MGAM2: variants seen among roughly 807,000 people sequenced by gnomAD.
MGAM2 encodes probable maltase-glucoamylase 2.
MGAM2 carries 98 observed loss-of-function variants against 96.1 expected under a neutral mutation model. The ratio of observed to expected loss-of-function variants is 1.02; its 90% CI spans 0.87 to 1.21. The LOEUF is 1.21. Among genes scored for constraint, MGAM2 ranks in the 50% most tolerant of loss-of-function variants. The probability of loss-of-function intolerance (pLI) is 0.00; values close to 1 mark genes in which losing one functional copy is unlikely to be tolerated. For synonymous variants in MGAM2, 749 were observed against 414.8 expected (o/e 1.81, Z -9.79); for missense variants, 2,055 against 1,182.4 (o/e 1.74, Z -10.82).
chr7:142,211,384 C>G (rs1274054721), intron 46 of MGAM2, among the ~76,000 whole-genome samples: 1 of 152,144 alleles, frequency 6.6e-6, no homozygotes, highest in African/African-American at 2.4e-5. Context: ...TGGGTAATAA[C>G]AAGCTCCTCC....
At chr7:142,114,377 A>G (rs1461404624) in intron 1 of MGAM2, among the ~76,000 whole-genome samples, 2 of 152,226 alleles carry the variant, frequency 1.3e-5, no homozygotes, top group Admixed American at 6.5e-5. Flanking sequence ...TTCAGCCACT[A>G]TGTCACTAGT....
rs1796148270 is a variant in MGAM2, at chr7:142,170,226, T to A, written c.3179T>A (p.Val1060Glu). 1 of 702,062 alleles carries A rather than the reference T, an allele frequency of 1.4e-6. No individual in the cohort carries two copies. Among genetic ancestry groups the A allele is most frequent in the South Asian group, 1.5e-5 (1 of 67,396 alleles). 43.5% of individuals were successfully genotyped at this position (702,062 alleles called of 1,614,324 possible). ...IQIQRKNSST[V>E]IWDSQLPGFI... ...ATTCAACGCAAAAACTCCAGCACTG[T>A]GATGTAAGCACTATTTATTTGATTC... Residue 1060 changes from valine to glutamate, a missense_variant, in exon 27 of 48, where the codon GTG (valine) becomes GAG (glutamate). Val to Glu is a moderately radical substitution (Grantham distance 121, BLOSUM62 -2). Transcript: ENST00000477922.
intron 47 of MGAM2, among the ~76,000 whole-genome samples, chr7:142,219,527 G>A (rs1401974329): frequency 1.3e-5 from 2 of 152,162 alleles, no homozygotes; most frequent in Non-Finnish European, 1.5e-5. Context: ...AGGAAAACAT[G>A]AAACTAACCT....
At chr7:142,185,602 C>T (rs184031874) in intron 34 of MGAM2, among the ~76,000 whole-genome samples, 13 of 151,120 alleles carry the variant, frequency 8.6e-5, no homozygotes, top group African/African-American at 9.7e-5. Context: ...GACAGTCCTC[C>T]TTCATCTCAT....
chr7:142,132,549 T>G (rs1794922817), intron 6 of MGAM2, among the ~76,000 whole-genome samples: 1 of 133,444 alleles, frequency 7.5e-6, no homozygotes, highest in South Asian at 2.2e-4. Context: ...ATATATAATT[T>G]AATTATACAT....
At position 142,136,327 on chromosome 7, in the gene MGAM2, G is replaced by C. The variant is rs575085565; in HGVS notation, c.748-214G>C. ...TTGCAGTGTGTATGATTATTTTACTGTTGTTGAATGGAATTCTTTTGTATA... is the reference window on the plus strand; with the variant it reads ...TTGCAGTGTGTATGATTATTTTACTCTTGTTGAATGGAATTCTTTTGTATA... On this transcript the variant is annotated intron_variant, in intron 7 of 47. Coordinates refer to ENST00000477922, the MANE Select transcript of MGAM2 (RefSeq NM_001293626.2). Among the ~76,000 whole-genome samples the C allele has an allele frequency of 2.2e-4, 34 of 152,154 alleles. 1 individual carries two copies. The highest frequency in any genetic ancestry group is 7.2e-4 in the African/African-American group (30 of 41,518).
At chr7:142,146,315 T>A (rs73158440) in intron 14 of MGAM2, among the ~76,000 whole-genome samples, 42,799 of 151,800 alleles carry the variant, frequency 0.28, 6,516 homozygotes, top group Admixed American at 0.35. Context: ...CTTTCCAGGA[T>A]TGCATAGTGC....
At chr7:142,195,846 A>G (rs566250147) in intron 37 of MGAM2, among the ~76,000 whole-genome samples, 1 of 152,294 alleles carries the variant, frequency 6.6e-6, no homozygotes, top group South Asian at 2.1e-4. Flanking sequence ...ATAATACTGG[A>G]ATAGAGGAAT....
intron 26 of MGAM2, among the ~76,000 whole-genome samples, chr7:142,169,487 T>A (rs1260416046): frequency 6.6e-6 from 1 of 152,032 alleles, no homozygotes; most frequent in Non-Finnish European, 1.5e-5. Flanking sequence ...ACTAATAATA[T>A]GACAAAGAGG....
chr7:142,137,311 G>A, intron 8 of MGAM2, 122 bp from the exon 9 acceptor site: 1 of 474,690 alleles, frequency 2.1e-6, no homozygotes, highest in Non-Finnish European at 3.8e-6. Flanking sequence ...AAAAGACAGT[G>A]TGATTTTCAT....
chr7:142,160,206 C>T lies in MGAM2; in HGVS notation c.2293C>T (p.Arg765Ter), dbSNP rs984137723. Residue 765 changes from arginine to a stop codon, truncating the protein, a stop_gained, in exon 21 of 48, where the codon CGA (arginine) becomes TGA (stop). Transcript: ENST00000477922. LOFTEE classifies it high-confidence loss of function. ...AGGTGACAAGATAGGACTTCATCTG[C>T]GAGGGGGCTACATATTTCCCACTCA... ...LPGDKIGLHL[R>*]GGYIFPTQKP... 1.6e-5 allele frequency: 11 copies of T among 702,406 alleles called. No homozygotes were observed. Among genetic ancestry groups the T allele is most frequent in the Non-Finnish European group, 2.1e-5 (8 of 384,786 alleles). 43.5% of individuals were successfully genotyped at this position (702,406 alleles called of 1,614,324 possible).
intron 45 of MGAM2, among the ~76,000 whole-genome samples, chr7:142,204,288 T>C (rs1486674646): frequency 1.3e-5 from 2 of 151,984 alleles, no homozygotes; most frequent in Non-Finnish European, 2.9e-5. Context: ...ATGGATAATA[T>C]ATTATAACCT....
At chr7:142,133,889 G>A in intron 6 of MGAM2, 92 bp from the exon 7 acceptor site, 1 of 588,266 alleles carries the variant, frequency 1.7e-6, no homozygotes, top group Non-Finnish European at 3.1e-6. Flanking sequence ...AAACAACAGA[G>A]GTCTAAGTGT....
rs267601329 is a variant in MGAM2, at chr7:142,136,619, C to T, written c.826C>T (p.Leu276=). 2.8e-6 allele frequency: 2 copies of T among 702,220 alleles called. No homozygotes were observed. Among genetic ancestry groups the T allele is most frequent in the Non-Finnish European group, 5.2e-6 (2 of 384,306 alleles). The allele number at this position is 702,220 out of a possible 1,614,324, so 43.5% of individuals were successfully genotyped here. Residue 276 remains leucine, a synonymous_variant, in exon 8 of 48, where the codon CTG becomes TTG. Transcript: ENST00000477922. ...DARGSSFGVF[L]MNSNAMEVTL... ...CAGGGGCTCCTCTTTTGGAGTATTT[C>T]TGATGAACAGTAATGCCATGGGTAG...
intron 26 of MGAM2, among the ~76,000 whole-genome samples, chr7:142,169,208 G>C (rs893831834): frequency 2.0e-5 from 3 of 152,094 alleles, no homozygotes; most frequent in African/African-American, 7.2e-5. Flanking sequence ...AGGCAGGTGA[G>C]GTCAGGAGAT....
At chr7:142,123,963 C>CCTTTT in intron 3 of MGAM2, among the ~76,000 whole-genome samples, 1 of 98,098 alleles carries the variant, frequency 1.0e-5, no homozygotes, top group Admixed American at 1.0e-4. Context: ...AGTCCAGAAA[C>CCTTTT]TTTTTTTTTT....
intron 31 of MGAM2, among the ~76,000 whole-genome samples, chr7:142,174,907 C>T (rs925502851): frequency 2.0e-5 from 3 of 151,720 alleles, no homozygotes; most frequent in Non-Finnish European, 4.4e-5. Flanking sequence ...TTAGTAGGGA[C>T]GGGGTTTCAC....
intron 6 of MGAM2, among the ~76,000 whole-genome samples, chr7:142,133,316 T>C (rs991209126): frequency 1.4e-5 from 2 of 147,724 alleles, no homozygotes; most frequent in Non-Finnish European, 3.0e-5. Flanking sequence ...AATATGTTTA[T>C]TTGTATAATA....
chr7:142,117,034 G>A (rs758178502), intron 2 of MGAM2, 55 bp downstream of exon 2: 55 of 701,170 alleles, frequency 7.8e-5, no homozygotes, highest in Non-Finnish European at 1.3e-4. Flanking sequence ...TCCTGTAAAC[G>A]CCAAAGAGAT....
Sources: allele counts gnomAD v4.1 joint callset (sites outside exome capture counted in the v4.1 genomes callset), GRCh38; gene constraint gnomAD v4.1.1; transcripts MANE v1.5; gene names NCBI Gene and HGNC (gene_info 2026-07-23, HGNC 2026-07-21).